THOC7: variants seen among roughly 807,000 people sequenced by gnomAD.
The protein encoded by THOC7 is THO complex subunit 7, also known as NIF3L1-binding protein 1.
Under a neutral mutation model 33.1 loss-of-function variants are expected in THOC7, and 22 were observed. The ratio of observed to expected loss-of-function variants is 0.66; its 90% CI spans 0.47 to 0.95. THOC7 has a LOEUF of 0.95. Ranked by LOEUF, THOC7 falls within the 40% of genes least tolerant of loss-of-function variation. The pLI, the probability that THOC7 is intolerant of heterozygous loss-of-function variation, is 0.00. For synonymous variants in THOC7, 77 were observed against 76.8 expected, an observed-to-expected ratio of 1.00 and a Z score of -0.01; for missense variants, 184 against 245.3, an observed-to-expected ratio of 0.75 and a Z score of 1.67.
intron 1 of THOC7, among the ~76,000 whole-genome samples, chr3:63,848,139 G>A (rs777217496): frequency 1.9e-4 from 29 of 152,156 alleles, no homozygotes; most frequent in Non-Finnish European, 3.8e-4. Context: ...AAATGGCCCT[G>A]CAAAGTTGTC....
chr3:63,835,384 T>C lies in THOC7; in HGVS notation c.417A>G (p.Leu139=), dbSNP rs1281432112. ...GCTCTAATTCTTTTCCCAGAGCCTCTAGTTCCCTGGAAATAATAAAACAGT... is the reference window on the plus strand; with the variant it reads ...GCTCTAATTCTTTTCCCAGAGCCTCCAGTTCCCTGGAAATAATAAAACAGT... ...HPDRHETLKE[L]EALGKELEHL... Residue 139 remains leucine, a synonymous_variant, in exon 6 of 8, where the codon CTA becomes CTG. Coordinates refer to ENST00000295899, the MANE Select transcript of THOC7 (RefSeq NM_025075.4). 3 of 1,613,236 alleles carry C rather than the reference T, an allele frequency of 1.9e-6. No homozygotes were observed. The highest frequency in any genetic ancestry group is 2.7e-5 in the African/African-American group (2 of 74,916).
chr3:63,846,805 G>C (rs990405204), intron 1 of THOC7, among the ~76,000 whole-genome samples: 4 of 152,276 alleles, frequency 2.6e-5, no homozygotes, highest in African/African-American at 9.6e-5. Flanking sequence ...GAAAGAGGCA[G>C]AATGATAGTC....
chr3:63,843,369 C>T (rs558612249), intron 1 of THOC7, among the ~76,000 whole-genome samples: 22 of 151,490 alleles, frequency 1.5e-4, no homozygotes, highest in Non-Finnish European at 2.8e-4. Flanking sequence ...CCGCCTACCT[C>T]GGCCTCTCAA....
chr3:63,857,383 A>C (rs1702135283), intron 1 of THOC7, among the ~76,000 whole-genome samples: 1 of 152,220 alleles, frequency 6.6e-6, no homozygotes, highest in African/African-American at 2.4e-5. Flanking sequence ...ATGATATGTT[A>C]ACAACAACAA....
At position 63,834,208 on chromosome 3, in the gene THOC7, G is replaced by C. The variant is rs779611866; in HGVS notation, c.548-9C>G. 3.7e-6 allele frequency: 6 copies of C among 1,613,510 alleles called. No homozygotes were observed. Among genetic ancestry groups the C allele is most frequent in the Non-Finnish European group, 5.1e-6 (6 of 1,179,844 alleles). On this transcript the variant is annotated splice_polypyrimidine_tract_variant and intron_variant, in intron 7 of 7. Coordinates refer to ENST00000295899, the MANE Select transcript of THOC7 (RefSeq NM_025075.4). ...TGAGAGTTTTTCATCATCTGTAATT[G>C]AGAAGGAAACATAAAACCTTAGTCA...
chr3:63,860,862 A>G (rs1325285828), intron 1 of THOC7: 1 of 152,214 alleles, frequency 6.6e-6, no homozygotes, highest in Non-Finnish European at 1.5e-5. Context: ...ATAAAATAAT[A>G]TGGCTAGTAG....
At position 63,835,177 on chromosome 3, in the gene THOC7, T is replaced by C. The variant is rs778022755; in HGVS notation, c.524A>G (p.His175Arg). The change falls in exon 7 of 8, where the codon CAT becomes CGT. Residue 175 changes from histidine (H) to arginine (R), a missense_variant. Physicochemically the swap from His to Arg is conservative, Grantham distance 29. Around this residue, in one of 3 missense-constraint regions of THOC7, gnomAD observed 2 missense variants for 17.6 expected, o/e 0.11. Coordinates refer to ENST00000295899, the MANE Select transcript of THOC7 (RefSeq NM_025075.4). ...ACTTTCCAATGTTTGCTGAAGTTCA[T>C]GGATGGTACTAAGAAGAACATGAAA... ...KQFHVLLSTI[H>R]ELQQTLENDE... 8.7e-6 allele frequency: 14 copies of C among 1,613,596 alleles called. No homozygotes were observed. The highest frequency in any genetic ancestry group is 1.7e-4 in the Middle Eastern group (1 of 6,056).
rs1215190828 is a variant in THOC7, at chr3:63,845,175, CTTTAAGTA to C, written c.20-5410_20-5403del. ...CCCCCTCAGATCTGAGCTCTGCTCT[CTTTAAGTA>C]TTTAAGCTCGCTGATATCTTTGGCT... On this transcript the variant is annotated intron_variant, in intron 1 of 7. Transcript: ENST00000295899. The C allele has an allele frequency of 4.0e-5, 21 of 524,212 alleles. No homozygotes were observed. The East Asian group carries it at 5.8e-4, about 15-fold the overall frequency. The allele number at this position is 524,212 out of a possible 1,614,324, so 32.5% of individuals were successfully genotyped here.
upstream of THOC7, chr3:63,863,980 GGACCCGCGCTCCCC>G (rs1702321982): frequency 6.7e-6 from 1 of 148,398 alleles, no homozygotes; most frequent in African/African-American, 2.5e-5. Flanking sequence ...CGCCGCCGCG[GGACCCGCGCTCCCC>G]GCGCTCCCGG....
intron 1 of THOC7, among the ~76,000 whole-genome samples, chr3:63,841,468 C>A (rs531474389): frequency 2.0e-5 from 3 of 152,248 alleles, no homozygotes; most frequent in African/African-American, 7.2e-5. Flanking sequence ...GAATCAACAG[C>A]AAAATCTTTA....
At chr3:63,846,121 A>T (rs1453235137) in intron 1 of THOC7, 1 of 399,972 alleles carries the variant, frequency 2.5e-6, no homozygotes, top group African/African-American at 2.1e-5. Context: ...GGTAAAACTG[A>T]TGTAACTCCT....
At chr3:63,859,650 T>C (rs191555054) in intron 1 of THOC7, among the ~76,000 whole-genome samples, 58 of 152,370 alleles carry the variant, frequency 3.8e-4, no homozygotes, top group African/African-American at 1.4e-3. Context: ...ATTTACTTAT[T>C]TGATTGCACA....
At position 63,855,569 on chromosome 3, in the gene THOC7, G is replaced by C. The variant is rs371010063; in HGVS notation, c.19+8203C>G. 2.0e-5 allele frequency among the ~76,000 whole-genome samples: 3 copies of C among 152,302 alleles called. No homozygotes were observed. In the East Asian group the frequency reaches 5.8e-4, roughly 29 times the overall value. On this transcript the variant is annotated intron_variant, in intron 1 of 7. Coordinates refer to ENST00000295899, the MANE Select transcript of THOC7 (RefSeq NM_025075.4). ...GCTGTGCTCTCATTTTAGCATAAAA[G>C]GGAGTTTCTCATAAACCCAGACTAA... is the stretch of plus-strand genomic sequence containing the variant.
intron 1 of THOC7, among the ~76,000 whole-genome samples, chr3:63,855,810 A>C (rs778925075): frequency 1.3e-5 from 2 of 152,188 alleles, no homozygotes; most frequent in Non-Finnish European, 1.5e-5. Context: ...CCTGTGATCT[A>C]CCAGTGAGGA....
chr3:63,848,907 TTTTC>T (rs1196652062), intron 1 of THOC7, among the ~76,000 whole-genome samples: 2 of 152,246 alleles, frequency 1.3e-5, no homozygotes, highest in African/African-American at 4.8e-5. Flanking sequence ...AACATTTGCT[TTTTC>T]TTTCTACCTG....
chr3:63,835,255 G>T (rs774210324), intron 6 of THOC7, 32 bp from the exon 7 acceptor site: 2 of 1,612,078 alleles, frequency 1.2e-6, no homozygotes, highest in Admixed American at 1.7e-5. Context: ...TTATACAAAT[G>T]ACCTGTATAT....
intron 1 of THOC7, among the ~76,000 whole-genome samples, chr3:63,862,180 C>T (rs952307352): frequency 6.6e-6 from 1 of 152,214 alleles, no homozygotes; most frequent in Non-Finnish European, 1.5e-5. Context: ...ATCTCTGGCT[C>T]ATAACTTTCT....
intron 1 of THOC7, 103 bp from the exon 2 acceptor site, chr3:63,839,876 A>C: frequency 1.1e-6 from 1 of 923,230 alleles, no homozygotes; most frequent in Non-Finnish European, 1.7e-6. Flanking sequence ...AAATTATTGA[A>C]ATGTAAATGC....
rs778726791 is a variant in THOC7, at chr3:63,838,129, G to A, written c.266-67C>T. ...AATAATCCATTTTTAATTTTAAAAC[G>A]CATTTATAAATTAACCTCTATTGGT... On this transcript the variant is annotated intron_variant, in intron 3 of 7. Coordinates refer to ENST00000295899, the MANE Select transcript of THOC7 (RefSeq NM_025075.4). The A allele has an allele frequency of 4.4e-5, 62 of 1,422,178 alleles. 1 individual carries two copies. Among genetic ancestry groups the A allele is most frequent in the Admixed American group, 4.2e-4 (19 of 45,060 alleles). The allele number at this position is 1,422,178 out of a possible 1,614,324, so 88.1% of individuals were successfully genotyped here.
Sources: gnomAD v4.1 joint callset for allele counts (sites outside exome capture counted in the v4.1 genomes callset) on GRCh38, gnomAD v4.1.1 for gene constraint, gnomAD v4.1.1 regional missense constraint, MANE v1.5 for transcripts, NCBI Gene and HGNC (gene_info 2026-07-23, HGNC 2026-07-21) for gene names.